The following ABCA13 variants were observed in gnomAD, a reference collection of about 807,000 sequenced individuals.
The protein encoded by ABCA13 is ATP binding cassette subfamily A member 13.
In ABCA13, 476 loss-of-function variants were observed where a neutral mutation model predicts 478.7. The ratio of observed to expected loss-of-function variants is 0.99; its 90% confidence interval spans 0.92 to 1.07. The LOEUF (loss-of-function observed/expected upper bound fraction) is 1.07. Among genes scored for constraint, ABCA13 ranks in the 50% least tolerant of loss-of-function variants. The pLI is 0.00. For synonymous variants in ABCA13, 2,252 were observed against 2,158.9 expected (o/e 1.04, Z -1.20); for missense variants, 6,060 against 5,910.6 (o/e 1.03, Z -0.83).
chr7:48,473,274 A>C (rs1029647977), intron 45 of ABCA13, among the ~76,000 whole-genome samples: 42 of 152,230 alleles, frequency 2.8e-4, no homozygotes, highest in African/African-American at 9.6e-4. Context: ...AGCTCTTCTT[A>C]TCTATAGTGT....
chr7:48,184,959 C>A (rs1263787349), intron 1 of ABCA13, among the ~76,000 whole-genome samples: 1 of 152,180 alleles, frequency 6.6e-6, no homozygotes. Context: ...CCTCAGCCCC[C>A]CAAGTAGCTG....
chr7:48,396,983 AAC>A (rs1226506670), intron 38 of ABCA13, among the ~76,000 whole-genome samples: 10 of 152,328 alleles, frequency 6.6e-5, no homozygotes, highest in African/African-American at 2.2e-4. Context: ...CAAGATCACA[AAC>A]ACAGAATACG....
At chr7:48,455,856 AT>A (rs1825611933) in intron 43 of ABCA13, among the ~76,000 whole-genome samples, 1 of 152,186 alleles carries the variant, frequency 6.6e-6, no homozygotes. Context: ...CACCAAATGA[AT>A]TTACGCAAGA....
intron 55 of ABCA13, among the ~76,000 whole-genome samples, chr7:48,576,151 T>G (rs980856834): frequency 6.6e-6 from 1 of 152,282 alleles, no homozygotes; most frequent in African/African-American, 2.4e-5. Flanking sequence ...ATAAAGGACT[T>G]GAGCATCTGT....
intron 45 of ABCA13, among the ~76,000 whole-genome samples, chr7:48,475,458 ATTTTTTTTT>A (rs398047655): frequency 5.3e-4 from 53 of 100,478 alleles, no homozygotes; most frequent in Admixed American, 1.4e-3. Context: ...TGTCAATTTA[ATTTTTTTTT>A]TTTTTTTTTT....
intron 18 of ABCA13, 28 bp from the exon 19 acceptor site, chr7:48,281,315 A>T: frequency 6.4e-7 from 1 of 1,556,032 alleles, no homozygotes. Context: ...TTACCCTTTT[A>T]TGTCATTGTA....
At chr7:48,277,341 A>C (rs1011637905) in intron 17 of ABCA13, among the ~76,000 whole-genome samples, 4 of 152,232 alleles carry the variant, frequency 2.6e-5, no homozygotes, top group African/African-American at 9.6e-5. Flanking sequence ...GCCACTGACT[A>C]TGAATACCCA....
intron 56 of ABCA13, among the ~76,000 whole-genome samples, chr7:48,586,729 T>TA (rs1177860506): frequency 6.6e-6 from 1 of 152,120 alleles, no homozygotes; most frequent in African/African-American, 2.4e-5. Flanking sequence ...GAATCTAAAA[T>TA]AATAAAGAAA....
chr7:48,289,825 A>G (rs1798260335), intron 20 of ABCA13, among the ~76,000 whole-genome samples: 1 of 152,224 alleles, frequency 6.6e-6, no homozygotes, highest in Non-Finnish European at 1.5e-5. Context: ...GATAAAGAGC[A>G]GAAGTTCCTG....
chr7:48,490,497 C>T (rs1451724060), intron 48 of ABCA13, among the ~76,000 whole-genome samples: 4 of 152,164 alleles, frequency 2.6e-5, no homozygotes, highest in African/African-American at 9.7e-5. Flanking sequence ...TGCTTTTCTA[C>T]TACATCAAAC....
chr7:48,592,641 A>C (rs1420468778), intron 57 of ABCA13, among the ~76,000 whole-genome samples: 1 of 151,564 alleles, frequency 6.6e-6, no homozygotes, highest in Non-Finnish European at 1.5e-5. Flanking sequence ...TGATTTTCTG[A>C]CTGGTTATTC....
chr7:48,612,083 C>T (rs1181361151), intron 58 of ABCA13: 4 of 152,152 alleles, frequency 2.6e-5, no homozygotes, highest in Non-Finnish European at 1.5e-5. Flanking sequence ...ATCATCAGGC[C>T]AACCAAGGCC....
chr7:48,628,419 C>T lies in ABCA13; in HGVS notation c.14837+13042C>T, dbSNP rs902367127. Reference sequence around the variant, plus strand: ...ATACAGAGCTGATGGCTAGAGATGGCTAGAGATGAAGCAGCCATCTTGAGC... The same window carrying T: ...ATACAGAGCTGATGGCTAGAGATGGTTAGAGATGAAGCAGCCATCTTGAGC... On this transcript the variant is annotated intron_variant, in intron 59 of 61. Transcript: ENST00000435803. 3.3e-5 allele frequency among the ~76,000 whole-genome samples: 5 copies of T among 152,182 alleles called. No homozygotes were observed. The East Asian group carries it at 9.6e-4, about 29-fold the overall frequency.
intron 4 of ABCA13, among the ~76,000 whole-genome samples, chr7:48,220,366 A>G (rs1259863802): frequency 6.6e-6 from 1 of 152,234 alleles, no homozygotes; most frequent in Non-Finnish European, 1.5e-5. Context: ...GTAAGAAATA[A>G]TTTATTTCTA....
At chr7:48,333,148 C>T (rs972985302) in intron 27 of ABCA13, among the ~76,000 whole-genome samples, 7 of 152,164 alleles carry the variant, frequency 4.6e-5, no homozygotes, top group Non-Finnish European at 1.0e-4. Flanking sequence ...TCCTTTCTCC[C>T]TGTTGCACAG....
chr7:48,511,079 CT>C lies in ABCA13; in HGVS notation c.13525-4del, dbSNP rs778093450. The C allele has an allele frequency of 1.2e-6, 2 of 1,609,746 alleles. No homozygotes were observed. The highest frequency in any genetic ancestry group is 3.3e-5 in the Admixed American group (2 of 59,996). ...GCTCTCCCTTATTTCTTTTTATCTT[CT>C]CAGCTCTTTTACTTGGTTTCCGTCT... On this transcript the variant is annotated splice_polypyrimidine_tract_variant and splice_region_variant and intron_variant, in intron 50 of 61. Transcript: ENST00000435803.
At chr7:48,405,831 T>A (rs1818191158) in intron 39 of ABCA13, among the ~76,000 whole-genome samples, 1 of 148,846 alleles carries the variant, frequency 6.7e-6, no homozygotes, top group African/African-American at 2.5e-5. Flanking sequence ...ATTTTCTCAC[T>A]GTCCTTCGTT....
chr7:48,293,939 T>A (rs1419903451), intron 20 of ABCA13, among the ~76,000 whole-genome samples: 8 of 152,308 alleles, frequency 5.3e-5, no homozygotes, highest in African/African-American at 1.9e-4. Context: ...AACAGGAGCC[T>A]CTCAGGCTGT....
intron 1 of ABCA13, among the ~76,000 whole-genome samples, chr7:48,179,843 T>C (rs1467138012): frequency 6.6e-6 from 1 of 152,138 alleles, no homozygotes; most frequent in East Asian, 1.9e-4. Flanking sequence ...GGTGTCAGAG[T>C]ATGCTCTTTC....
Sources: gnomAD v4.1 joint callset for allele counts (sites outside exome capture counted in the v4.1 genomes callset) on GRCh38, gnomAD v4.1.1 for gene constraint, MANE v1.5 for transcripts, NCBI Gene and HGNC (gene_info 2026-07-23, HGNC 2026-07-21) for gene names.